CNTN3: variants seen among roughly 807,000 people sequenced by gnomAD.
The protein encoded by CNTN3 is contactin-3.
A neutral mutation model predicts 119.1 loss-of-function variants in CNTN3; 60 were observed. The ratio of observed to expected loss-of-function variants is 0.50; its 90% CI spans 0.41 to 0.62. The LOEUF is 0.62. CNTN3 is among the 20% of genes least tolerant of loss of function. CNTN3 has a pLI of 0.00. For missense variants in CNTN3, 1,101 were observed against 1,242.4 expected (o/e 0.89, Z 1.71); for synonymous variants, 450 against 438.7 (o/e 1.03, Z -0.32).
chr3:74,507,127 A>G (rs1354154098), intron 2 of CNTN3, among the ~76,000 whole-genome samples: 3 of 152,168 alleles, frequency 2.0e-5, no homozygotes, highest in East Asian at 3.9e-4. Context: ...GCTATTAAGA[A>G]CTAATACTAG....
In CNTN3 at chr3:74,301,759, G is replaced by A. The variant is rs946967587; in HGVS notation, c.1833C>T (p.Asp611=). The A allele has an allele frequency of 1.9e-6, 3 of 1,613,934 alleles. No individual in the cohort carries two copies. Among genetic ancestry groups the A allele is most frequent in the Non-Finnish European group, 2.5e-6 (3 of 1,179,968 alleles). Residue 611 remains aspartate, a synonymous_variant, in exon 15 of 23, where the codon GAC becomes GAT. Transcript: ENST00000263665. ...PENVKVDEIT[D]TTAQLSWKEG... is the part of the protein sequence containing the mutation. Reference sequence around the variant, plus strand: ...CTTTCCAAGAGAGTTGGGCTGTTGTGTCTGTAATTTCATCTACCTTCACAT... The same window carrying A: ...CTTTCCAAGAGAGTTGGGCTGTTGTATCTGTAATTTCATCTACCTTCACAT...
At chr3:74,532,158 G>A (rs1575812300) in intron 1 of CNTN3, among the ~76,000 whole-genome samples, 1 of 151,944 alleles carries the variant, frequency 6.6e-6, no homozygotes, top group South Asian at 2.1e-4. Context: ...CATAGTGGTG[G>A]GTAGATGTGT....
Position 74,412,464 on chromosome 3 carries a change from G to A in CNTN3, c.454+12381C>T, listed in dbSNP as rs61453651. ...ATAATTAGCTGCTTTAATTAGCTTCGTTTGGAATTATTTTATGTACCCCTG... is the reference window on the plus strand; with the variant it reads ...ATAATTAGCTGCTTTAATTAGCTTCATTTGGAATTATTTTATGTACCCCTG... On this transcript the variant is annotated intron_variant, in intron 5 of 22. Coordinates refer to ENST00000263665, the MANE Select transcript of CNTN3 (RefSeq NM_020872.3). Among the ~76,000 whole-genome samples the A allele has an allele frequency of 2.4e-3, 363 of 152,236 alleles. 2 individuals are homozygous for A. The highest frequency in any genetic ancestry group is 8.4e-3 in the African/African-American group (347 of 41,540).
intron 19 of CNTN3, among the ~76,000 whole-genome samples, chr3:74,292,688 C>T (rs1029810004): frequency 2.6e-5 from 4 of 152,220 alleles, no homozygotes; most frequent in African/African-American, 9.6e-5. Flanking sequence ...TGTCCCCATT[C>T]TACAGGTGAG....
At chr3:74,266,409 T>C in intron 22 of CNTN3, 72 bp downstream of exon 22, 1 of 1,405,742 alleles carries the variant, frequency 7.1e-7, no homozygotes. Flanking sequence ...GACAGAGGGA[T>C]ACTGATTGAC....
intron 1 of CNTN3, among the ~76,000 whole-genome samples, chr3:74,558,855 A>G (rs1026061232): frequency 6.6e-6 from 1 of 151,834 alleles, no homozygotes; most frequent in African/African-American, 2.4e-5. Flanking sequence ...GTGATGGCAT[A>G]CACATGTAAT....
At chr3:74,416,114 A>T (rs1052708858) in intron 5 of CNTN3, among the ~76,000 whole-genome samples, 1 of 152,154 alleles carries the variant, frequency 6.6e-6, no homozygotes, top group Non-Finnish European at 1.5e-5. Flanking sequence ...AAACCCAAAC[A>T]TTTTCTAGAA....
chr3:74,416,111 A>G (rs1201756066), intron 5 of CNTN3, among the ~76,000 whole-genome samples: 4 of 152,172 alleles, frequency 2.6e-5, no homozygotes, highest in Non-Finnish European at 4.4e-5. Flanking sequence ...ACAAAACCCA[A>G]ACATTTTCTA....
intron 4 of CNTN3, among the ~76,000 whole-genome samples, chr3:74,463,982 G>A (rs1034611198): frequency 6.6e-6 from 1 of 152,116 alleles, no homozygotes; most frequent in African/African-American, 2.4e-5. Flanking sequence ...GCATTCCTCA[G>A]GAACCCTTTG....
intron 11 of CNTN3, among the ~76,000 whole-genome samples, chr3:74,361,629 A>C (rs1451063444): frequency 6.6e-6 from 1 of 152,202 alleles, no homozygotes; most frequent in African/African-American, 2.4e-5. Context: ...GAGTCTTCCC[A>C]GCGATTCAGG....
At chr3:74,591,872 A>G (rs1046736764) in intron 1 of CNTN3, among the ~76,000 whole-genome samples, 1 of 151,932 alleles carries the variant, frequency 6.6e-6, no homozygotes, top group African/African-American at 2.4e-5. Flanking sequence ...AACTCAGCCC[A>G]AGGAAGACAG....
In CNTN3 at chr3:74,515,541, T is replaced by A. The variant is rs115309308; in HGVS notation, c.55+5517A>T. ...GGGTGAAATAAATCAGCAAGAATTATTTGACGCAAGAAACCATTAGTATGT... is the reference window on the plus strand; with the variant it reads ...GGGTGAAATAAATCAGCAAGAATTAATTGACGCAAGAAACCATTAGTATGT... On this transcript the variant is annotated intron_variant, in intron 2 of 22. Transcript: ENST00000263665. Among the ~76,000 whole-genome samples, 507 of 152,194 alleles carry A rather than the reference T, an allele frequency of 3.3e-3. 5 individuals carry two copies. The highest frequency in any genetic ancestry group is 0.012 in the African/African-American group (493 of 41,562).
chr3:74,350,902 A>C (rs575271533), intron 11 of CNTN3, among the ~76,000 whole-genome samples: 1 of 152,262 alleles, frequency 6.6e-6, no homozygotes, highest in South Asian at 2.1e-4. Flanking sequence ...ATATGGAAAC[A>C]ACAGACTTTG....
intron 13 of CNTN3, among the ~76,000 whole-genome samples, chr3:74,310,534 C>T (rs1702660040): frequency 6.6e-6 from 1 of 152,026 alleles, no homozygotes. Flanking sequence ...TGGGCTGGGA[C>T]CTTGGTTCTT....
chr3:74,466,812 A>G (rs919234587), intron 4 of CNTN3, among the ~76,000 whole-genome samples: 45 of 152,268 alleles, frequency 3.0e-4, no homozygotes, highest in Middle Eastern at 3.4e-3. Context: ...AGATACATAA[A>G]AGAAATGAAT....
At chr3:74,361,835 T>C in intron 11 of CNTN3, 55 bp downstream of exon 11, 1 of 1,525,086 alleles carries the variant, frequency 6.6e-7, no homozygotes, top group African/African-American at 1.4e-5. Flanking sequence ...TATGTTGACA[T>C]CAGTATGGAA....
chr3:74,512,721 A>C (rs904116871), intron 2 of CNTN3, among the ~76,000 whole-genome samples: 1 of 150,726 alleles, frequency 6.6e-6, no homozygotes, highest in Non-Finnish European at 1.5e-5. Flanking sequence ...AAAAAGAAAG[A>C]AAGAAACATG....
intron 5 of CNTN3, among the ~76,000 whole-genome samples, chr3:74,399,925 G>C (rs1705151858): frequency 1.3e-5 from 2 of 152,084 alleles, no homozygotes; most frequent in South Asian, 4.1e-4. Flanking sequence ...CCTAGACTAT[G>C]AGCAACATGA....
In CNTN3 at chr3:74,302,807, T is replaced by A. The variant is rs1285634158; in HGVS notation, c.1669A>T (p.Ser557Cys). The change falls in exon 14 of 23, where the codon AGT (serine) becomes TGT (cysteine). Residue 557 changes from serine to cysteine, a missense_variant and splice_region_variant. Physicochemically the swap from Ser to Cys is moderately radical, Grantham distance 112 (BLOSUM62 -1). Coordinates refer to ENST00000263665, the MANE Select transcript of CNTN3 (RefSeq NM_020872.3). ...DGSHFEKVGG[S>C]SSGDLMIRNI... Reference sequence around the variant, plus strand: ...CTGATCATTAAATCACCAGATGAACTCTGTTGGGAAAACAGGTAATGAATA... The same window carrying A: ...CTGATCATTAAATCACCAGATGAACACTGTTGGGAAAACAGGTAATGAATA... 6.3e-7 allele frequency: 1 copy of A among 1,595,146 alleles called. No individual in the cohort carries two copies. Among genetic ancestry groups the A allele is most frequent in the Non-Finnish European group, 8.6e-7 (1 of 1,163,904 alleles).
Sources: allele counts gnomAD v4.1 joint callset (sites outside exome capture counted in the v4.1 genomes callset), GRCh38; gene constraint gnomAD v4.1.1; transcripts MANE v1.5; gene names NCBI Gene and HGNC (gene_info 2026-07-23, HGNC 2026-07-21).